CNTN4: variants seen among roughly 807,000 people sequenced by gnomAD.
The protein encoded by CNTN4 is contactin 4.
Under a neutral mutation model 122.5 loss-of-function variants are expected in CNTN4, and 77 were observed. The observed-to-expected ratio is 0.63, with a 90% CI of 0.52 to 0.76. CNTN4 has a LOEUF of 0.76. Ranked by LOEUF, CNTN4 falls within the 30% of genes least tolerant of loss-of-function variation. The pLI is 0.00. For missense variants in CNTN4, 1,256 were observed against 1,259.1 expected, an observed-to-expected ratio of 1.00 and a Z score of 0.04; for synonymous variants, 512 against 447.0, an observed-to-expected ratio of 1.15 and a Z score of -1.83.
intron 7 of CNTN4, among the ~76,000 whole-genome samples, chr3:2,830,417 T>A (rs1286395617): frequency 1.3e-5 from 2 of 152,300 alleles, no homozygotes. Context: ...TGAGAATGGA[T>A]CCATAAGGCT....
chr3:2,523,043 G>C (rs750505374), intron 3 of CNTN4, among the ~76,000 whole-genome samples: 1 of 152,016 alleles, frequency 6.6e-6, no homozygotes, highest in African/African-American at 2.4e-5. Flanking sequence ...GAGTCTTGTA[G>C]ATAGTTATTT....
At chr3:2,811,831 A>G (rs2092620028) in intron 6 of CNTN4, among the ~76,000 whole-genome samples, 2 of 151,854 alleles carry the variant, frequency 1.3e-5, no homozygotes, top group Admixed American at 1.3e-4. Flanking sequence ...ATACCCAGCT[A>G]ATTTTTGTAT....
At chr3:2,310,266 T>A (rs2042866797) in intron 2 of CNTN4, among the ~76,000 whole-genome samples, 1 of 152,132 alleles carries the variant, frequency 6.6e-6, no homozygotes, top group Non-Finnish European at 1.5e-5. Context: ...TAAACTTCAG[T>A]TTTCTCTTCT....
intron 3 of CNTN4, among the ~76,000 whole-genome samples, chr3:2,361,974 C>T (rs2045164088): frequency 6.6e-6 from 1 of 152,102 alleles, no homozygotes; most frequent in African/African-American, 2.4e-5. Flanking sequence ...TATAGAAAGA[C>T]CTGAGTTGGA....
intron 17 of CNTN4, among the ~76,000 whole-genome samples, chr3:3,036,642 C>T (rs1285782569): frequency 6.6e-6 from 1 of 151,748 alleles, no homozygotes; most frequent in Non-Finnish European, 1.5e-5. Context: ...TGGCATGCAC[C>T]TGTAGTCCCT....
chr3:2,708,171 C>T (rs2086856096), intron 4 of CNTN4, among the ~76,000 whole-genome samples: 1 of 152,032 alleles, frequency 6.6e-6, no homozygotes, highest in South Asian at 2.1e-4. Flanking sequence ...ATGGGTTAAT[C>T]TCATAGTTAT....
intron 13 of CNTN4, among the ~76,000 whole-genome samples, chr3:2,949,932 T>C (rs1047036382): frequency 6.6e-6 from 1 of 152,200 alleles, no homozygotes; most frequent in Admixed American, 6.5e-5. Flanking sequence ...TGGGTGTTCA[T>C]CTTAGTGGTT....
rs1427447175 is a variant in CNTN4 at position 2,253,589 on chromosome 3, A to C, written c.-144-85589A>C. On this transcript the variant is annotated intron_variant, in intron 2 of 24. Coordinates refer to ENST00000418658, the MANE Select transcript of CNTN4 (RefSeq NM_175607.3). ...ATAAGTTCCTGCTACTACTACTACTAATCTCATCTTTATTGGAATCAGTTA... is the reference window on the plus strand; with the variant it reads ...ATAAGTTCCTGCTACTACTACTACTCATCTCATCTTTATTGGAATCAGTTA... 2.0e-5 allele frequency among the ~76,000 whole-genome samples: 3 copies of C among 152,036 alleles called. No homozygotes were observed. The South Asian group carries it at 6.2e-4, about 32-fold the overall frequency.
chr3:2,191,797 G>A (rs2037565863), intron 2 of CNTN4, among the ~76,000 whole-genome samples: 1 of 151,944 alleles, frequency 6.6e-6, no homozygotes. Context: ...TGTTACATAT[G>A]TATGCATGTG....
At chr3:2,969,469 T>A (rs554305593) in intron 13 of CNTN4, among the ~76,000 whole-genome samples, 2 of 152,184 alleles carry the variant, frequency 1.3e-5, no homozygotes, top group East Asian at 3.9e-4. Flanking sequence ...CCACCCAAAG[T>A]ACATGGTCTG....
At chr3:2,879,203 C>T (rs73112769) in intron 8 of CNTN4, among the ~76,000 whole-genome samples, 112 of 152,218 alleles carry the variant, frequency 7.4e-4, no homozygotes, top group African/African-American at 2.6e-3. Context: ...CACACATACA[C>T]AGAAAGAATG....
intron 2 of CNTN4, among the ~76,000 whole-genome samples, chr3:2,286,312 G>T (rs948269375): frequency 6.9e-6 from 1 of 145,018 alleles, no homozygotes; most frequent in East Asian, 2.0e-4. Flanking sequence ...TTTTGGTTGT[G>T]TATACACCAG....
intron 6 of CNTN4, among the ~76,000 whole-genome samples, chr3:2,772,241 C>T (rs1010681105): frequency 6.6e-6 from 1 of 151,894 alleles, no homozygotes; most frequent in Non-Finnish European, 1.5e-5. Context: ...CACTAGGATA[C>T]CAGCATCTGG....
At chr3:2,307,419 A>G (rs2150116118) in intron 2 of CNTN4, among the ~76,000 whole-genome samples, 1 of 147,922 alleles carries the variant, frequency 6.8e-6, no homozygotes, top group East Asian at 2.0e-4. Context: ...TGGGCGACAG[A>G]GCAAGACTCC....
At chr3:2,399,871 C>T (rs1408437671) in intron 3 of CNTN4, among the ~76,000 whole-genome samples, 3 of 152,046 alleles carry the variant, frequency 2.0e-5, no homozygotes, top group African/African-American at 7.2e-5. Context: ...CAGCTTACCA[C>T]ATAATCATGC....
At chr3:2,546,903 A>G (rs181766322) in intron 3 of CNTN4, among the ~76,000 whole-genome samples, 104 of 152,252 alleles carry the variant, frequency 6.8e-4, no homozygotes, top group South Asian at 1.5e-3. Flanking sequence ...AGCATGCACA[A>G]AAGTAAAAGC....
intron 2 of CNTN4, among the ~76,000 whole-genome samples, chr3:2,298,811 A>T (rs111252109): frequency 6.6e-6 from 1 of 152,342 alleles, no homozygotes; most frequent in Admixed American, 6.5e-5. Context: ...TTTAAAATTA[A>T]CCTATTACCT....
chr3:2,890,933 G>T (rs1317601071), intron 10 of CNTN4, among the ~76,000 whole-genome samples: 1 of 152,044 alleles, frequency 6.6e-6, no homozygotes, highest in East Asian at 1.9e-4. Context: ...AAATGCTATG[G>T]ATCTCTGTTA....
At chr3:2,682,064 A>G (rs931582460) in intron 4 of CNTN4, among the ~76,000 whole-genome samples, 9 of 152,210 alleles carry the variant, frequency 5.9e-5, no homozygotes, top group Admixed American at 3.9e-4. Context: ...ATCGTTATCC[A>G]TTCACAGATA....
Sources: gnomAD v4.1 joint callset for allele counts (sites outside exome capture counted in the v4.1 genomes callset) on GRCh38, gnomAD v4.1.1 for gene constraint, MANE v1.5 for transcripts, NCBI Gene and HGNC (gene_info 2026-07-23, HGNC 2026-07-21) for gene names.